The following LGSN variants were observed in gnomAD, a reference collection of about 807,000 sequenced individuals.
The protein encoded by LGSN is lengsin, lens protein with glutamine synthetase domain, also known as lengsin.
Under a neutral mutation model 19.5 loss-of-function variants are expected in LGSN, and 21 were observed. That is an observed-to-expected ratio of 1.07 (90% confidence interval 0.76 to 1.55). LGSN has a LOEUF of 1.55. Among genes scored for constraint, LGSN ranks in the 40% most tolerant of loss-of-function variants. The pLI is 0.00. For synonymous variants in LGSN, 257 were observed against 215.6 expected (o/e 1.19, Z -1.68); for missense variants, 673 against 608.5 (o/e 1.11, Z -1.12).
the LGSN span, among the ~76,000 whole-genome samples, chr6:63,570,119 T>C: frequency 2.0e-5 from 3 of 152,146 alleles, no homozygotes; most frequent in African/African-American, 7.2e-5. Flanking sequence ...CAGGCAGATC[T>C]CTTGAGGTCA....
At chr6:63,406,375 A>T in the LGSN span, among the ~76,000 whole-genome samples, 1 of 151,688 alleles carries the variant, frequency 6.6e-6, no homozygotes, top group Non-Finnish European at 1.5e-5. Flanking sequence ...TAAGAAACTC[A>T]CTCAAAACCG....
chr6:63,531,177 A>G, the LGSN span, among the ~76,000 whole-genome samples: 3 of 152,174 alleles, frequency 2.0e-5, no homozygotes, highest in African/African-American at 7.2e-5. Context: ...AGATAACTGC[A>G]AGCAATGAGG....
At chr6:63,452,339 C>T in the LGSN span, among the ~76,000 whole-genome samples, 9 of 152,032 alleles carry the variant, frequency 5.9e-5, no homozygotes, top group Non-Finnish European at 8.8e-5. Flanking sequence ...ACCTCAAGCT[C>T]GTGGGCTGAA....
the LGSN span, among the ~76,000 whole-genome samples, chr6:63,570,464 T>C: frequency 6.6e-6 from 1 of 152,156 alleles, no homozygotes; most frequent in Non-Finnish European, 1.5e-5. Context: ...CCAGGCCACT[T>C]GAGAATTTGA....
the LGSN span, among the ~76,000 whole-genome samples, chr6:63,537,985 CAG>C: frequency 5.9e-5 from 9 of 152,186 alleles, no homozygotes; most frequent in African/African-American, 1.9e-4. Context: ...TTGCATCAGT[CAG>C]AGTTTACCTG....
the LGSN span, among the ~76,000 whole-genome samples, chr6:63,392,881 CTTTTTTTTTTTT>C: frequency 9.1e-6 from 1 of 109,942 alleles, no homozygotes; most frequent in South Asian, 2.9e-4. Context: ...TCTTCTTCTT[CTTTTTTTTTTTT>C]TTTTTTTTTT....
At chr6:63,441,739 A>C in the LGSN span, 1 of 399,784 alleles carries the variant, frequency 2.5e-6, no homozygotes. Flanking sequence ...AGGCCCCCAA[A>C]TCTAAGTCCG....
the LGSN span, among the ~76,000 whole-genome samples, chr6:63,373,969 T>C: frequency 6.6e-6 from 1 of 151,486 alleles, no homozygotes; most frequent in Non-Finnish European, 1.5e-5. Flanking sequence ...GGCGGGGGAG[T>C]GGCATCCATG....
At chr6:63,488,758 C>T in the LGSN span, among the ~76,000 whole-genome samples, 7 of 151,418 alleles carry the variant, frequency 4.6e-5, no homozygotes, top group Non-Finnish European at 7.4e-5. Flanking sequence ...GTAGAGGTTG[C>T]AGTGAGCCGA....
chr6:63,286,555 C>T (rs562807015), intron 2 of LGSN, among the ~76,000 whole-genome samples: 3 of 152,266 alleles, frequency 2.0e-5, no homozygotes, highest in African/African-American at 4.8e-5. Flanking sequence ...TACTCCAAAC[C>T]GCACCATCAG....
At position 63,280,078 on chromosome 6, in the gene LGSN, C is replaced by T. The variant is rs1369383680; in HGVS notation, c.1473G>A (p.Glu491=). The T allele has an allele frequency of 2.5e-6, 4 of 1,613,358 alleles. No individual in the cohort carries two copies. In the South Asian group the frequency reaches 3.3e-5, roughly 13 times the overall value. The change falls in exon 4 of 4, where the codon GAG becomes GAA. Residue 491 remains glutamate (E), a synonymous_variant. Coordinates refer to ENST00000370657, the MANE Select transcript of LGSN (RefSeq NM_016571.3). ...IRYFVAMKKY[E]LENEEIAAER... ...CTGCAGCTATTTCTTCATTCTCCAA[C>T]TCATATTTCTTCATGGCAACAAAAT...
chr6:63,470,199 AGC>A, the LGSN span, among the ~76,000 whole-genome samples: 1 of 151,876 alleles, frequency 6.6e-6, no homozygotes. Flanking sequence ...CGGGTACAGT[AGC>A]TCACACCTGT....
the LGSN span, among the ~76,000 whole-genome samples, chr6:63,506,304 C>G: frequency 2.0e-4 from 31 of 151,856 alleles, no homozygotes; most frequent in African/African-American, 7.5e-4. Context: ...CGCACTGTCA[C>G]CCAGGCTGGA....
chr6:63,364,894 A>C, the LGSN span, among the ~76,000 whole-genome samples: 9 of 150,318 alleles, frequency 6.0e-5, no homozygotes, highest in Non-Finnish European at 1.3e-4. Context: ...CAATGAGAAC[A>C]AAGACACAAC....
At chr6:63,560,833 T>C in the LGSN span, among the ~76,000 whole-genome samples, 54 of 152,310 alleles carry the variant, frequency 3.5e-4, no homozygotes, top group East Asian at 9.4e-3. Context: ...AGTTCATAGA[T>C]TGGCACCAGT....
chr6:63,561,755 A>G, the LGSN span, among the ~76,000 whole-genome samples: 1 of 152,204 alleles, frequency 6.6e-6, no homozygotes, highest in East Asian at 1.9e-4. Flanking sequence ...GTTGGGCATT[A>G]TATTCTCACA....
At chr6:63,458,932 A>T in the LGSN span, among the ~76,000 whole-genome samples, 1 of 152,228 alleles carries the variant, frequency 6.6e-6, no homozygotes, top group Non-Finnish European at 1.5e-5. Context: ...TTTTGTTACC[A>T]TTATGTAAAG....
At chr6:63,491,206 G>A in the LGSN span, among the ~76,000 whole-genome samples, 1 of 152,300 alleles carries the variant, frequency 6.6e-6, no homozygotes, top group East Asian at 1.9e-4. Flanking sequence ...ACTGAAAGCT[G>A]AGAGGTCACC....
chr6:63,517,475 G>A, the LGSN span, among the ~76,000 whole-genome samples: 1 of 152,138 alleles, frequency 6.6e-6, no homozygotes, highest in East Asian at 1.9e-4. Context: ...ATGCACACAT[G>A]ATGCCCCGTA....
Sources: allele counts gnomAD v4.1 joint callset (sites outside exome capture counted in the v4.1 genomes callset), GRCh38; gene constraint gnomAD v4.1.1; transcripts MANE v1.5; gene names NCBI Gene and HGNC (gene_info 2026-07-23, HGNC 2026-07-21).